The following GRM7 variants were observed in gnomAD, a reference collection of about 807,000 sequenced individuals.
GRM7 encodes the protein glutamate metabotropic receptor 7.
In GRM7, 35 loss-of-function variants were observed where a neutral mutation model predicts 84.5. That is an observed-to-expected ratio of 0.41 (90% CI 0.32 to 0.55). The LOEUF (loss-of-function observed/expected upper bound fraction) is 0.55, where lower values mean the gene tolerates loss of function less well. Among genes scored for constraint, GRM7 ranks in the 20% least tolerant of loss-of-function variants. The pLI is 0.19. For synonymous variants in GRM7, 487 were observed against 455.1 expected (o/e 1.07, Z -0.89); for missense variants, 1,003 against 1,194.6 (o/e 0.84, Z 2.36).
At chr3:7,178,337 T>C (rs1362415067) in intron 2 of GRM7, among the ~76,000 whole-genome samples, 1 of 152,208 alleles carries the variant, frequency 6.6e-6, no homozygotes, top group Non-Finnish European at 1.5e-5. Context: ...TCCTGACTTA[T>C]TTTTCATTAT....
intron 2 of GRM7, among the ~76,000 whole-genome samples, chr3:7,272,256 C>T (rs1276184553): frequency 6.6e-6 from 1 of 152,010 alleles, no homozygotes. Context: ...ACCTGCCATA[C>T]AATGCAGGTA....
chr3:7,637,879 G>T (rs1030145622), intron 8 of GRM7, among the ~76,000 whole-genome samples: 1 of 152,200 alleles, frequency 6.6e-6, no homozygotes, highest in Admixed American at 6.5e-5. Flanking sequence ...TTTAGTCACA[G>T]GCGGCAGTCA....
chr3:7,708,265 C>A (rs1271097788), intron 9 of GRM7, among the ~76,000 whole-genome samples: 1 of 151,542 alleles, frequency 6.6e-6, no homozygotes, highest in South Asian at 2.1e-4. Context: ...TAGAGTAAAG[C>A]CTAGTTTCCT....
At chr3:7,082,149 G>C (rs977888354) in intron 1 of GRM7, among the ~76,000 whole-genome samples, 1 of 152,070 alleles carries the variant, frequency 6.6e-6, no homozygotes, top group Non-Finnish European at 1.5e-5. Flanking sequence ...GATTTCATCT[G>C]GGACTTTTGT....
chr3:6,936,894 C>A (rs1697713395), intron 1 of GRM7, among the ~76,000 whole-genome samples: 3 of 152,158 alleles, frequency 2.0e-5, no homozygotes, highest in Non-Finnish European at 4.4e-5. Context: ...GGTGTTCACC[C>A]TTGGACCTAA....
At position 7,491,749 on chromosome 3, in the gene GRM7, C is replaced by A. The variant is rs947343851; in HGVS notation, c.1515+30027C>A. ...TTTCTCCTCTTTGAATTGTTTTCTT[C>A]ATTTGAAAAGACAATAGGAAGGATT... is the stretch of plus-strand genomic sequence containing the variant. On this transcript the variant is annotated intron_variant, in intron 7 of 9. Transcript: ENST00000357716. 2.6e-5 allele frequency among the ~76,000 whole-genome samples: 4 copies of A among 152,268 alleles called. No homozygotes were observed. In the East Asian group the frequency reaches 7.7e-4, roughly 29 times the overall value.
intron 2 of GRM7, among the ~76,000 whole-genome samples, chr3:7,216,344 C>A (rs17638908): frequency 1.3e-5 from 2 of 152,008 alleles, no homozygotes; most frequent in Non-Finnish European, 2.9e-5. Flanking sequence ...TGATAATTGA[C>A]TAAAGGCAAG....
intron 9 of GRM7, chr3:7,694,510 A>T: frequency 4.4e-6 from 1 of 227,552 alleles, no homozygotes; most frequent in Non-Finnish European, 7.3e-6. Flanking sequence ...AGGATTTTAC[A>T]TCTTGAAATA....
At chr3:7,244,297 G>A (rs1348075456) in intron 2 of GRM7, among the ~76,000 whole-genome samples, 1 of 151,940 alleles carries the variant, frequency 6.6e-6, no homozygotes, top group Non-Finnish European at 1.5e-5. Flanking sequence ...CAAATTACTT[G>A]GTAAAACTGT....
chr3:7,507,126 G>T lies in GRM7; in HGVS notation c.1515+45404G>T, dbSNP rs138693673. ...GTTGGATAAATGCTTTTCAGATAGG[G>T]ATATTTTATTGTAAACAGCAGAAAT... On this transcript the variant is annotated intron_variant, in intron 7 of 9. Transcript: ENST00000357716. Among the ~76,000 whole-genome samples the T allele has an allele frequency of 5.1e-3, 771 of 152,242 alleles. 5 individuals carry two copies. The highest frequency in any genetic ancestry group is 0.017 in the African/African-American group (724 of 41,540).
intron 4 of GRM7, among the ~76,000 whole-genome samples, chr3:7,327,128 C>T (rs1037656975): frequency 9.2e-5 from 14 of 152,212 alleles, no homozygotes; most frequent in African/African-American, 3.4e-4. Flanking sequence ...TGCCCAGTAT[C>T]TCTGGAGCTA....
chr3:6,874,212 A>G (rs1334066942), intron 1 of GRM7, among the ~76,000 whole-genome samples: 2 of 152,230 alleles, frequency 1.3e-5, no homozygotes, highest in African/African-American at 4.8e-5. Context: ...CAAGTGCTCA[A>G]TAAAGGTTAG....
At chr3:7,564,415 A>G (rs62235176) in intron 7 of GRM7, among the ~76,000 whole-genome samples, 1 of 152,152 alleles carries the variant, frequency 6.6e-6, no homozygotes, top group East Asian at 1.9e-4. Flanking sequence ...TCTGATTCCA[A>G]TGCTCATGTT....
intron 2 of GRM7, among the ~76,000 whole-genome samples, chr3:7,229,444 A>C (rs1461968656): frequency 6.6e-6 from 1 of 151,876 alleles, no homozygotes; most frequent in Non-Finnish European, 1.5e-5. Context: ...ACCTAGAAGT[A>C]GCAGAAGGGG....
chr3:6,955,483 G>A (rs989650847), intron 1 of GRM7, among the ~76,000 whole-genome samples: 1 of 150,642 alleles, frequency 6.6e-6, no homozygotes, highest in Non-Finnish European at 1.5e-5. Context: ...GTTGCAGTGA[G>A]CCGAGATCAC....
At chr3:7,184,600 C>G (rs948624025) in intron 2 of GRM7, among the ~76,000 whole-genome samples, 2 of 152,026 alleles carry the variant, frequency 1.3e-5, no homozygotes, top group African/African-American at 2.4e-5. Context: ...CTTTCTCTCT[C>G]CATGAATGTG....
intron 5 of GRM7, among the ~76,000 whole-genome samples, chr3:7,417,246 C>A (rs538100309): frequency 1.4e-4 from 22 of 152,188 alleles, no homozygotes; most frequent in Non-Finnish European, 2.6e-4. Context: ...TATATTCTCA[C>A]CTTCCTTTTT....
intron 1 of GRM7, among the ~76,000 whole-genome samples, chr3:7,115,013 G>T (rs1197221953): frequency 6.6e-6 from 1 of 152,092 alleles, no homozygotes; most frequent in African/African-American, 2.4e-5. Flanking sequence ...AAAACTTGCT[G>T]TGTGCCAATC....
chr3:6,991,535 A>T (rs1694634974), intron 1 of GRM7, among the ~76,000 whole-genome samples: 1 of 152,366 alleles, frequency 6.6e-6, no homozygotes, highest in South Asian at 2.1e-4. Context: ...GTTAAGAGTC[A>T]GTGAAGAAGA....
Sources: allele counts gnomAD v4.1 joint callset (sites outside exome capture counted in the v4.1 genomes callset), GRCh38; gene constraint gnomAD v4.1.1; transcripts MANE v1.5; gene names NCBI Gene and HGNC (gene_info 2026-07-23, HGNC 2026-07-21).